Variants in CDH18 observed in about 807,000 individuals in gnomAD.
CDH18 encodes cadherin-18.
Under a neutral mutation model 67.9 loss-of-function variants are expected in CDH18, and 31 were observed. That is an observed-to-expected ratio of 0.46 (90% CI 0.34 to 0.62). The LOEUF (loss-of-function observed/expected upper bound fraction) is 0.62, where lower values mean the gene tolerates loss of function less well. Among genes scored for constraint, CDH18 ranks in the 20% least tolerant of loss-of-function variants. CDH18 has a pLI of 0.01. For synonymous variants in CDH18, 362 were observed against 347.2 expected, an observed-to-expected ratio of 1.04 and a Z score of -0.48; for missense variants, 890 against 975.5, an observed-to-expected ratio of 0.91 and a Z score of 1.17.
intron 3 of CDH18, among the ~76,000 whole-genome samples, chr5:19,785,183 T>C (rs970529756): frequency 1.3e-5 from 2 of 152,148 alleles, no homozygotes; most frequent in Non-Finnish European, 2.9e-5. Context: ...GAGTTTGAGT[T>C]TTTAGTCTAC....
At chr5:19,997,006 G>T (rs1736071317) in intron 2 of CDH18, among the ~76,000 whole-genome samples, 1 of 151,934 alleles carries the variant, frequency 6.6e-6, no homozygotes, top group South Asian at 2.1e-4. Context: ...AAACTAGAAA[G>T]AAGTTACTAA....
intron 5 of CDH18, among the ~76,000 whole-genome samples, chr5:19,691,463 T>C (rs1253166233): frequency 6.6e-6 from 1 of 151,862 alleles, no homozygotes; most frequent in African/African-American, 2.4e-5. Flanking sequence ...CTTTCTTTGC[T>C]GATAAGGTAA....
intron 1 of CDH18, among the ~76,000 whole-genome samples, chr5:20,497,111 A>C (rs911782240): frequency 7.2e-5 from 11 of 152,138 alleles, no homozygotes; most frequent in South Asian, 4.2e-4. Context: ...AGCAGTGCTC[A>C]TGTTTGAATT....
chr5:20,382,189 A>G (rs922204697), intron 1 of CDH18, among the ~76,000 whole-genome samples: 2 of 152,174 alleles, frequency 1.3e-5, no homozygotes, highest in African/African-American at 4.8e-5. Context: ...TCTCTGGGCA[A>G]TATAAAATTT....
chr5:20,451,546 A>G (rs1239360867), intron 1 of CDH18, among the ~76,000 whole-genome samples: 1 of 152,270 alleles, frequency 6.6e-6, no homozygotes, highest in Non-Finnish European at 1.5e-5. Context: ...TTTGTTTATG[A>G]TTTGTAATTA....
chr5:20,030,418 T>C (rs938325227), intron 2 of CDH18, among the ~76,000 whole-genome samples: 2 of 152,208 alleles, frequency 1.3e-5, no homozygotes, highest in Non-Finnish European at 2.9e-5. Flanking sequence ...GGACTACATC[T>C]GATTGGTCAA....
intron 1 of CDH18, among the ~76,000 whole-genome samples, chr5:20,462,281 G>A (rs1243448604): frequency 6.6e-6 from 1 of 152,174 alleles, no homozygotes; most frequent in East Asian, 1.9e-4. Context: ...AATATTGCAT[G>A]TTCTCATTGA....
At chr5:20,470,897 C>A (rs970379310) in intron 1 of CDH18, among the ~76,000 whole-genome samples, 2 of 152,206 alleles carry the variant, frequency 1.3e-5, no homozygotes, top group Admixed American at 6.5e-5. Context: ...AGTCTATCTC[C>A]AATGTCACAA....
intron 12 of CDH18, among the ~76,000 whole-genome samples, chr5:19,482,438 A>G (rs971507523): frequency 9.8e-5 from 15 of 152,322 alleles, no homozygotes; most frequent in African/African-American, 3.6e-4. Context: ...TTTTAAGGGA[A>G]TATAATTAAA....
intron 8 of CDH18, among the ~76,000 whole-genome samples, chr5:19,570,187 G>C (rs1037034463): frequency 2.7e-4 from 41 of 151,996 alleles, no homozygotes; most frequent in African/African-American, 9.9e-4. Flanking sequence ...GCATTCTATG[G>C]AATGTTGAAG....
chr5:19,951,719 A>C (rs1795810424), intron 2 of CDH18, among the ~76,000 whole-genome samples: 1 of 152,256 alleles, frequency 6.6e-6, no homozygotes, highest in African/African-American at 2.4e-5. Flanking sequence ...ACACATTTGC[A>C]TTATAGGATA....
intron 2 of CDH18, among the ~76,000 whole-genome samples, chr5:19,890,518 C>T (rs897082500): frequency 7.2e-5 from 11 of 151,956 alleles, no homozygotes; most frequent in Non-Finnish European, 1.6e-4. Flanking sequence ...TGCTGAGAAA[C>T]GACACAATTT....
At position 19,904,292 on chromosome 5, in the gene CDH18, A is replaced by G. The variant is rs980921647; in HGVS notation, c.-256-65050T>C. The stretch of plus-strand genomic sequence containing the variant: ...GTCAAAAAGAAAAGAAAAGAAGGAA[A>G]GAAAAAAAGAAAAGAAAAAACGAAA... On this transcript the variant is annotated intron_variant, in intron 2 of 12. Transcript: ENST00000382275. Among the ~76,000 whole-genome samples, 3 of 149,588 alleles carry G rather than the reference A, an allele frequency of 2.0e-5. No individual in the cohort carries two copies. The Admixed American group carries it at 2.0e-4, about 10-fold the overall frequency.
intron 1 of CDH18, among the ~76,000 whole-genome samples, chr5:20,504,038 G>GAAAAA (rs201250312): frequency 7.0e-6 from 1 of 142,188 alleles, no homozygotes; most frequent in Non-Finnish European, 1.5e-5. Context: ...ACTCTGTCAA[G>GAAAAA]AAAAAAAAAA....
Position 19,472,972 on chromosome 5 carries a change from G to A in CDH18, c.*254C>T, listed in dbSNP as rs1737785278. ...GGTATTCTTAATAAACAGTACCACA[G>A]ACTTTATTGAGCAATTGAAAATATA... On this transcript the variant is annotated 3_prime_UTR_variant, in exon 13 of 13. Coordinates refer to ENST00000382275, the MANE Select transcript of CDH18 (RefSeq NM_004934.5). The A allele has an allele frequency of 2.5e-6, 1 of 399,224 alleles. No individual in the cohort carries two copies. The highest frequency in any genetic ancestry group is 3.9e-5 in the South Asian group (1 of 25,612). 24.7% of individuals were successfully genotyped at this position (399,224 alleles called of 1,614,324 possible).
At chr5:19,603,750 A>G (rs188482003) in intron 6 of CDH18, among the ~76,000 whole-genome samples, 259 of 150,502 alleles carry the variant, frequency 1.7e-3, no homozygotes, top group African/African-American at 5.9e-3. Flanking sequence ...CTGAGATATG[A>G]GGTAGGGCAA....
intron 2 of CDH18, among the ~76,000 whole-genome samples, chr5:19,949,069 C>T (rs758256109): frequency 3.3e-5 from 5 of 152,066 alleles, no homozygotes; most frequent in Non-Finnish European, 7.4e-5. Flanking sequence ...TAAAAGTAAG[C>T]ACAGCTACAC....
intron 2 of CDH18, among the ~76,000 whole-genome samples, chr5:20,075,790 T>G (rs1456994093): frequency 6.6e-6 from 1 of 152,202 alleles, no homozygotes; most frequent in Non-Finnish European, 1.5e-5. Context: ...TAATTTAGGT[T>G]GTGATTACAG....
intron 8 of CDH18, among the ~76,000 whole-genome samples, chr5:19,569,762 G>C (rs969382378): frequency 1.3e-5 from 2 of 152,026 alleles, no homozygotes; most frequent in Non-Finnish European, 2.9e-5. Context: ...AAAACAGCTA[G>C]AAGATAATGA....
Sources: gnomAD v4.1 joint callset for allele counts (sites outside exome capture counted in the v4.1 genomes callset) on GRCh38, gnomAD v4.1.1 for gene constraint, MANE v1.5 for transcripts, NCBI Gene and HGNC (gene_info 2026-07-23, HGNC 2026-07-21) for gene names.